Variants in EDEM2 observed in about 807,000 individuals in gnomAD.
EDEM2 encodes ER degradation enhancing alpha-mannosidase like protein 2, also known as ER degradation-enhancing alpha-mannosidase-like protein 2.
In EDEM2, 39 loss-of-function variants were observed where a neutral mutation model predicts 64.8. That is an observed-to-expected ratio of 0.60 (90% CI 0.47 to 0.79). EDEM2 has a LOEUF of 0.79. Among genes scored for constraint, EDEM2 ranks in the 30% least tolerant of loss-of-function variants. The probability of loss-of-function intolerance (pLI) is 0.00; values close to 1 mark genes in which losing one functional copy is unlikely to be tolerated. For synonymous variants in EDEM2, 296 were observed against 291.5 expected, an observed-to-expected ratio of 1.02 and a Z score of -0.16; for missense variants, 609 against 731.3, an observed-to-expected ratio of 0.83 and a Z score of 1.93.
At chr20:35,141,895 T>A (rs375116931) in intron 4 of EDEM2, among the ~76,000 whole-genome samples, 2 of 152,320 alleles carry the variant, frequency 1.3e-5, no homozygotes, top group African/African-American at 2.4e-5. Flanking sequence ...AAATTTAATA[T>A]CATTAAAATT....
intron 4 of EDEM2, among the ~76,000 whole-genome samples, chr20:35,140,246 A>T (rs1218971326): frequency 1.3e-5 from 2 of 152,166 alleles, no homozygotes; most frequent in South Asian, 2.1e-4. Flanking sequence ...CACTTTGGGA[A>T]GCCAAAGCAG....
At chr20:35,146,646 C>A (rs1273608051) in intron 2 of EDEM2, among the ~76,000 whole-genome samples, 179 bp downstream of exon 2, 1 of 152,010 alleles carries the variant, frequency 6.6e-6, no homozygotes, top group Non-Finnish European at 1.5e-5. Context: ...TTTTTCACTG[C>A]GAGAGGCTAA....
intron 4 of EDEM2, among the ~76,000 whole-genome samples, chr20:35,140,950 T>C (rs2085645061): frequency 6.6e-6 from 1 of 151,558 alleles, no homozygotes; most frequent in South Asian, 2.1e-4. Flanking sequence ...TGAAACCCCA[T>C]CTCTACTAAA....
chr20:35,136,604 T>G (rs1002325023), intron 5 of EDEM2, among the ~76,000 whole-genome samples: 2 of 151,524 alleles, frequency 1.3e-5, no homozygotes, highest in Non-Finnish European at 2.9e-5. Context: ...AAAAAAAAAT[T>G]TAGCCATGCA....
intron 4 of EDEM2, among the ~76,000 whole-genome samples, chr20:35,138,879 C>T (rs1254228388): frequency 1.3e-5 from 2 of 152,200 alleles, no homozygotes; most frequent in South Asian, 2.1e-4. Context: ...CCACCGCACC[C>T]GGCCTACTTA....
chr20:35,145,625 G>GT (rs1226429735), intron 2 of EDEM2, among the ~76,000 whole-genome samples: 1 of 152,202 alleles, frequency 6.6e-6, no homozygotes, highest in African/African-American at 2.4e-5. Flanking sequence ...AGGGTCAGTG[G>GT]TGGTGCAGGG....
Position 35,115,772 on chromosome 20 carries a change from C to A in EDEM2, c.1398G>T (p.Leu466=). ...AVITPYGECI[L]GAGGYIFNTE... ...TGTTGAAGATGTACCCCCCAGCCCCCAGGATGCACTCCCCATAGGGGGTGA... is the reference window on the plus strand; with the variant it reads ...TGTTGAAGATGTACCCCCCAGCCCCAAGGATGCACTCCCCATAGGGGGTGA... The change falls in exon 11 of 11, where the codon CTG becomes CTT. Residue 466 remains leucine (L), a synonymous_variant. Transcript: ENST00000374492. 1 of 1,613,750 alleles carries A rather than the reference C, an allele frequency of 6.2e-7. No individual in the cohort carries two copies. Among genetic ancestry groups the A allele is most frequent in the Non-Finnish European group, 8.5e-7 (1 of 1,180,040 alleles).
chr20:35,140,412 A>G (rs2085637063), intron 4 of EDEM2, among the ~76,000 whole-genome samples: 2 of 152,170 alleles, frequency 1.3e-5, no homozygotes, highest in South Asian at 2.1e-4. Context: ...TAAACCCAGG[A>G]GGTGGAGGTG....
At chr20:35,132,793 C>T (rs1369815424) in intron 6 of EDEM2, among the ~76,000 whole-genome samples, 1 of 152,160 alleles carries the variant, frequency 6.6e-6, no homozygotes, top group South Asian at 2.1e-4. Context: ...CTGCCTTGGC[C>T]TCCCAAAGTG....
At chr20:35,142,629 G>A (rs1446258759) in intron 3 of EDEM2, 151 bp from the exon 4 acceptor site, 3 of 623,030 alleles carry the variant, frequency 4.8e-6, no homozygotes, top group Non-Finnish European at 8.4e-6. Context: ...AGAAAACACT[G>A]AGAGCTAGAA....
Position 35,115,466 on chromosome 20 carries a change from T to A in EDEM2, c.1704A>T (p.Ala568=), listed in dbSNP as rs1218653277. The A allele has an allele frequency of 6.2e-7, 1 of 1,613,044 alleles. No individual in the cohort carries two copies. The change falls in exon 11 of 11, where the codon GCA becomes GCT. Residue 568 remains alanine (A), a synonymous_variant. Coordinates refer to ENST00000374492, the MANE Select transcript of EDEM2 (RefSeq NM_018217.3). ...AGTCTAGGAAAACCTGTCCCAGTAA[T>A]GCCAACTTGGAGGTGAAGGGCTGAC... The part of the protein sequence containing the change: ...CPSQPFTSKL[A]LLGQVFLDSS
intron 7 of EDEM2, among the ~76,000 whole-genome samples, chr20:35,130,043 A>G (rs1342717142): frequency 6.6e-6 from 1 of 152,146 alleles, no homozygotes; most frequent in African/African-American, 2.4e-5. Flanking sequence ...ATACACATCT[A>G]TGAGAATTCT....
chr20:35,144,787 G>A (rs888446628), intron 3 of EDEM2, among the ~76,000 whole-genome samples, 192 bp downstream of exon 3: 1 of 152,184 alleles, frequency 6.6e-6, no homozygotes, highest in Non-Finnish European at 1.5e-5. Flanking sequence ...CTAAATAAAT[G>A]AATCTGCATA....
At chr20:35,122,636 AGTGCT>A (rs2085383515) in intron 9 of EDEM2, among the ~76,000 whole-genome samples, 1 of 152,186 alleles carries the variant, frequency 6.6e-6, no homozygotes, top group African/African-American at 2.4e-5. Context: ...GGCCTCCCAA[AGTGCT>A]GGGATTACAG....
intron 8 of EDEM2, among the ~76,000 whole-genome samples, chr20:35,125,064 CA>C (rs1266554073): frequency 5.9e-5 from 9 of 152,208 alleles, no homozygotes; most frequent in Non-Finnish European, 1.2e-4. Flanking sequence ...ATGGACAGAA[CA>C]AACTTGGCAC....
intron 6 of EDEM2, 88 bp from the exon 7 acceptor site, chr20:35,131,871 G>A (rs2085510541): frequency 6.7e-7 from 1 of 1,489,056 alleles, no homozygotes; most frequent in African/African-American, 1.4e-5. Flanking sequence ...TGCCCAGGGA[G>A]ATGCAGGGCA....
intron 3 of EDEM2, among the ~76,000 whole-genome samples, chr20:35,144,107 C>T (rs945135883): frequency 1.1e-4 from 16 of 151,534 alleles, no homozygotes; most frequent in African/African-American, 3.9e-4. Flanking sequence ...CGGGGTTTCA[C>T]CATATTGCCC....
At chr20:35,127,621 T>G (rs114196714) in intron 7 of EDEM2, among the ~76,000 whole-genome samples, 1 of 152,230 alleles carries the variant, frequency 6.6e-6, no homozygotes, top group Non-Finnish European at 1.5e-5. Context: ...AAGGATTATA[T>G]GAAACAGTCC....
chr20:35,142,088 A>G (rs1241644590), intron 4 of EDEM2, among the ~76,000 whole-genome samples: 3 of 152,194 alleles, frequency 2.0e-5, no homozygotes, highest in Non-Finnish European at 4.4e-5. Flanking sequence ...TTTCTTGTTC[A>G]TAGCTGTATG....
Sources: allele counts gnomAD v4.1 joint callset (sites outside exome capture counted in the v4.1 genomes callset), GRCh38; gene constraint gnomAD v4.1.1; transcripts MANE v1.5; gene names NCBI Gene and HGNC (gene_info 2026-07-23, HGNC 2026-07-21).